The following MINDY2 variants were observed in gnomAD, a reference collection of about 807,000 sequenced individuals.
The protein encoded by MINDY2 is MINDY lysine 48 deubiquitinase 2.
MINDY2 carries 52 observed loss-of-function variants against 68.2 expected under a neutral mutation model. The ratio of observed to expected loss-of-function variants is 0.76; its 90% CI spans 0.61 to 0.96. The LOEUF (loss-of-function observed/expected upper bound fraction) is 0.96. Among genes scored for constraint, MINDY2 ranks in the 40% least tolerant of loss-of-function variants. The pLI, the probability that MINDY2 is intolerant of heterozygous loss-of-function variation, is 0.00. For missense variants in MINDY2, 881 were observed against 773.4 expected (o/e 1.14, Z -1.65); for synonymous variants, 372 against 303.0 (o/e 1.23, Z -2.36).
intron 3 of MINDY2, among the ~76,000 whole-genome samples, chr15:58,803,365 G>A (rs1266100049): frequency 2.0e-5 from 3 of 151,948 alleles, no homozygotes; most frequent in African/African-American, 4.8e-5. Flanking sequence ...CTAGTCGTGA[G>A]GCTGAGGCAG....
At chr15:58,803,322 G>A (rs1320657788) in intron 3 of MINDY2, among the ~76,000 whole-genome samples, 2 of 151,336 alleles carry the variant, frequency 1.3e-5, no homozygotes, top group African/African-American at 2.4e-5. Flanking sequence ...AAAAAAATTA[G>A]CTGGGCATGG....
At chr15:58,837,419 TG>T (rs1310562088) in intron 6 of MINDY2, among the ~76,000 whole-genome samples, 3 of 151,662 alleles carry the variant, frequency 2.0e-5, no homozygotes, top group Admixed American at 2.0e-4. Flanking sequence ...CAAATAATTT[TG>T]AAAGTTAGCC....
At chr15:58,828,257 C>T (rs185520787) in intron 5 of MINDY2, among the ~76,000 whole-genome samples, 245 of 151,890 alleles carry the variant, frequency 1.6e-3, no homozygotes, top group African/African-American at 5.4e-3. Context: ...GGAAAAAATA[C>T]ATTAATGTAT....
intron 1 of MINDY2, among the ~76,000 whole-genome samples, chr15:58,778,271 A>G (rs1331354597): frequency 6.6e-6 from 1 of 152,210 alleles, no homozygotes; most frequent in East Asian, 1.9e-4. Context: ...AGAAAAATGA[A>G]TGCACTAATT....
At chr15:58,815,986 A>G (rs542332664) in intron 4 of MINDY2, among the ~76,000 whole-genome samples, 2 of 152,154 alleles carry the variant, frequency 1.3e-5, no homozygotes, top group Admixed American at 6.6e-5. Flanking sequence ...CCAAAAGGCT[A>G]TTATTTCTTT....
At chr15:58,846,772 G>C (rs1179940750) in intron 6 of MINDY2, among the ~76,000 whole-genome samples, 1 of 152,078 alleles carries the variant, frequency 6.6e-6, no homozygotes, top group African/African-American at 2.4e-5. Flanking sequence ...CAAAACAATT[G>C]TGTTGTATCT....
At chr15:58,840,192 T>TA (rs2032206977) in intron 6 of MINDY2, among the ~76,000 whole-genome samples, 3 of 143,344 alleles carry the variant, frequency 2.1e-5, no homozygotes, top group African/African-American at 7.9e-5. Context: ...ACAATGGATG[T>TA]GTAATCAAAC....
chr15:58,831,628 C>A, intron 5 of MINDY2, 146 bp from the exon 6 acceptor site: 1 of 594,306 alleles, frequency 1.7e-6, no homozygotes, highest in Non-Finnish European at 2.8e-6. Context: ...ACACAAATGT[C>A]CAGTTTGGAG....
chr15:58,795,708 G>T (rs991256779), intron 2 of MINDY2, among the ~76,000 whole-genome samples: 16 of 152,168 alleles, frequency 1.1e-4, no homozygotes, highest in African/African-American at 3.9e-4. Context: ...CCAGCCTATC[G>T]TATGTGTTTT....
intron 4 of MINDY2, among the ~76,000 whole-genome samples, chr15:58,821,207 T>C (rs1328332419): frequency 6.6e-6 from 1 of 151,804 alleles, no homozygotes; most frequent in African/African-American, 2.4e-5. Flanking sequence ...TAGTTATCTC[T>C]ACTCATATCT....
At chr15:58,789,671 G>C (rs935976717) in intron 2 of MINDY2, among the ~76,000 whole-genome samples, 5 of 151,736 alleles carry the variant, frequency 3.3e-5, no homozygotes, top group African/African-American at 1.2e-4. Flanking sequence ...TTTTGAGACA[G>C]AGTTTCACTC....
intron 6 of MINDY2, among the ~76,000 whole-genome samples, chr15:58,836,108 C>T (rs1318135536): frequency 2.0e-5 from 3 of 152,072 alleles, no homozygotes; most frequent in South Asian, 2.1e-4. Context: ...GACAGGGTTT[C>T]GCTGTGTTAG....
chr15:58,828,500 A>G (rs2031535810), intron 5 of MINDY2, among the ~76,000 whole-genome samples: 1 of 151,620 alleles, frequency 6.6e-6, no homozygotes, highest in South Asian at 2.1e-4. Context: ...TAAGGCATTC[A>G]TCACTTTCAT....
At chr15:58,841,584 T>A (rs367635563) in intron 6 of MINDY2, among the ~76,000 whole-genome samples, 3 of 151,860 alleles carry the variant, frequency 2.0e-5, no homozygotes, top group Admixed American at 1.3e-4. Flanking sequence ...TTTGTACTTT[T>A]AGTAGAGACA....
intron 1 of MINDY2, among the ~76,000 whole-genome samples, chr15:58,782,916 T>G (rs1352870917): frequency 1.0e-5 from 1 of 100,440 alleles, no homozygotes; most frequent in African/African-American, 4.6e-5. Context: ...TCTCTGTTTT[T>G]TTTTTTTTTT....
At chr15:58,775,661 G>C (rs7171198) in intron 1 of MINDY2, among the ~76,000 whole-genome samples, 30,504 of 151,974 alleles carry the variant, frequency 0.2, 3,562 homozygotes, top group East Asian at 0.52. Context: ...GACAGTAACA[G>C]CATTTTTCAA....
intron 3 of MINDY2, among the ~76,000 whole-genome samples, chr15:58,806,211 T>G (rs1902999390): frequency 6.6e-6 from 1 of 152,092 alleles, no homozygotes; most frequent in African/African-American, 2.4e-5. Context: ...TTAGCTGGGA[T>G]TACAGGCATG....
At chr15:58,779,304 A>G (rs2140898464) in intron 1 of MINDY2, among the ~76,000 whole-genome samples, 1 of 152,350 alleles carries the variant, frequency 6.6e-6, no homozygotes, top group East Asian at 1.9e-4. Context: ...GAATGGACGT[A>G]TGCTATTGTC....
At chr15:58,821,028 T>G (rs1192766971) in intron 4 of MINDY2, among the ~76,000 whole-genome samples, 1 of 151,446 alleles carries the variant, frequency 6.6e-6, no homozygotes, top group Non-Finnish European at 1.5e-5. Flanking sequence ...TCTTCTATAG[T>G]CAAAGCAAAG....
Sources: allele counts gnomAD v4.1 joint callset (sites outside exome capture counted in the v4.1 genomes callset), GRCh38; gene constraint gnomAD v4.1.1; transcripts MANE v1.5; gene names NCBI Gene and HGNC (gene_info 2026-07-23, HGNC 2026-07-21).